Variants in PTPN2 observed in about 807,000 individuals in gnomAD.
PTPN2 encodes the protein protein tyrosine phosphatase non-receptor type 2, also known as tyrosine-protein phosphatase non-receptor type 2.
A neutral mutation model predicts 57.3 loss-of-function variants in PTPN2; 19 were observed. That is an observed-to-expected ratio of 0.33 (90% CI 0.23 to 0.49). PTPN2 has a LOEUF of 0.49. Ranked by LOEUF, PTPN2 falls within the 20% of genes least tolerant of loss-of-function variation. PTPN2 has a pLI of 0.99. For synonymous variants in PTPN2, 153 were observed against 164.9 expected (o/e 0.93, Z 0.55); for missense variants, 358 against 501.1 (o/e 0.71, Z 2.73).
At chr18:12,877,459 T>C (rs1397909160) in intron 1 of PTPN2, among the ~76,000 whole-genome samples, 1 of 151,986 alleles carries the variant, frequency 6.6e-6, no homozygotes, top group Non-Finnish European at 1.5e-5. Context: ...TGTGAGAGAG[T>C]AGCCAATCTT....
intron 1 of PTPN2, among the ~76,000 whole-genome samples, chr18:12,878,085 C>A (rs60776052): frequency 6.6e-6 from 1 of 151,760 alleles, no homozygotes; most frequent in Non-Finnish European, 1.5e-5. Flanking sequence ...GCTTGTAATC[C>A]TAAGCCTTTG....
chr18:12,802,651 AG>A (rs1333778828), intron 7 of PTPN2, among the ~76,000 whole-genome samples: 1 of 152,234 alleles, frequency 6.6e-6, no homozygotes, highest in Non-Finnish European at 1.5e-5. Context: ...GGAACCTGGC[AG>A]GTTGCTATTA....
chr18:12,818,749 C>T (rs1318144443), intron 5 of PTPN2, among the ~76,000 whole-genome samples: 1 of 151,544 alleles, frequency 6.6e-6, no homozygotes, highest in Non-Finnish European at 1.5e-5. Flanking sequence ...ATTATAATAT[C>T]CTGCTCCCAA....
intron 7 of PTPN2, 46 bp downstream of exon 7, chr18:12,814,156 TG>T (rs1555663023): frequency 7.4e-7 from 1 of 1,348,412 alleles, no homozygotes; most frequent in Admixed American, 2.0e-5. Context: ...TTTGATGCTA[TG>T]TGTATTTAAC....
At chr18:12,875,191 G>A (rs1380890765) in intron 1 of PTPN2, among the ~76,000 whole-genome samples, 1 of 152,072 alleles carries the variant, frequency 6.6e-6, no homozygotes, top group African/African-American at 2.4e-5. Context: ...AGGGTCCTCT[G>A]CCTAGGAAAA....
chr18:12,865,502 G>GT (rs1240617609), intron 1 of PTPN2, among the ~76,000 whole-genome samples: 1 of 151,698 alleles, frequency 6.6e-6, no homozygotes, highest in Admixed American at 6.6e-5. Flanking sequence ...TAGCACTTTG[G>GT]AAGGCTGAGG....
chr18:12,794,329 C>T lies in PTPN2; in HGVS notation c.1197G>A (p.Leu399=), dbSNP rs775291577. ...GTGTCCAGCCAACAAAAGCGCCAAC[C>T]AAAATGACTGACATAAACCCCATCT... is the stretch of plus-strand genomic sequence containing the variant. The part of the protein sequence containing the change: ...LTKMGFMSVI[L]VGAFVGWTLF... The change falls in exon 9 of 9, where the codon TTG becomes TTA. Residue 399 remains leucine (L), a synonymous_variant. Coordinates refer to ENST00000309660, the MANE Select transcript of PTPN2 (RefSeq NM_002828.4). The T allele has an allele frequency of 1.9e-6, 3 of 1,614,040 alleles. No individual in the cohort carries two copies. The highest frequency in any genetic ancestry group is 2.7e-5 in the African/African-American group (2 of 74,922).
Position 12,854,353 on chromosome 18 carries a change from C to G in PTPN2, c.160+4811G>C, listed in dbSNP as rs545853547. On this transcript the variant is annotated intron_variant, in intron 2 of 8. Transcript: ENST00000309660. ...CCAGCCTGAGTGACAGAGCCAGACC[C>G]TGTCTTGAAAAAAAAAAAAAAAGAA... Among the ~76,000 whole-genome samples, 17 of 98,162 alleles carry G rather than the reference C, an allele frequency of 1.7e-4. No individual in the cohort carries two copies. In the South Asian group the frequency reaches 7.5e-3, roughly 43 times the overall value. 64.4% of individuals were successfully genotyped at this position (98,162 alleles called of 152,430 possible). A position where few individuals can be genotyped will look rare whatever the true frequency, so the allele number is the denominator to read the frequency against.
chr18:12,850,420 C>A (rs938619304), intron 2 of PTPN2, among the ~76,000 whole-genome samples: 1 of 151,940 alleles, frequency 6.6e-6, no homozygotes, highest in African/African-American at 2.4e-5. Flanking sequence ...ACTCGAGAGG[C>A]AGAGGCTGCA....
At chr18:12,788,932 TCTTA>T (rs1481435954), downstream of PTPN2, among the ~76,000 whole-genome samples, 10 of 152,186 alleles carry the variant, frequency 6.6e-5, no homozygotes, top group East Asian at 1.9e-4. Flanking sequence ...TCCTAGAAGT[TCTTA>T]CTTAAATAAT....
At chr18:12,862,392 T>G (rs1017214439) in intron 1 of PTPN2, 1 of 152,184 alleles carries the variant, frequency 6.6e-6, no homozygotes, top group African/African-American at 2.4e-5. Flanking sequence ...TTCCTGACCT[T>G]AAGTGATCCG....
In PTPN2 at chr18:12,836,813, T is replaced by G. The variant is rs2042881969; in HGVS notation, c.239A>C (p.Gln80Pro). The G allele has an allele frequency of 6.2e-7, 1 of 1,607,412 alleles. No homozygotes were observed. Among genetic ancestry groups the G allele is most frequent in the Non-Finnish European group, 8.5e-7 (1 of 1,175,930 alleles). The change falls in exon 3 of 9, where the codon CAA (glutamine) becomes CCA (proline). Residue 80 changes from glutamine (Q) to proline (P), a missense_variant. Physicochemically the swap from Gln to Pro is moderately conservative, Grantham distance 76. Coordinates refer to ENST00000309660, the MANE Select transcript of PTPN2 (RefSeq NM_002828.4). Reference sequence around the variant, plus strand: ...TGCCTGTGTTAAGATGTAACTCCTTTGTGCCTCTTCTATGTCAACTAAACT... The same window carrying G: ...TGCCTGTGTTAAGATGTAACTCCTTGGTGCCTCTTCTATGTCAACTAAACT... ...NASLVDIEEA[Q>P]RSYILTQGPL...
rs569288221 is a variant in PTPN2, at chr18:12,866,223, G to A, written c.70-6969C>T. On this transcript the variant is annotated intron_variant, in intron 1 of 8. Transcript: ENST00000309660. ...GGAGGCCGAGGCAGGTGGATCACGAGGTCAGGAGATCGAGACCATCCTGGC... is the reference window on the plus strand; with the variant it reads ...GGAGGCCGAGGCAGGTGGATCACGAAGTCAGGAGATCGAGACCATCCTGGC... Among the ~76,000 whole-genome samples the A allele has an allele frequency of 2.3e-4, 35 of 152,288 alleles. 1 individual carries two copies. The South Asian group carries it at 7.0e-3, about 31-fold the overall frequency.
chr18:12,870,857 G>A (rs1329633940), intron 1 of PTPN2, among the ~76,000 whole-genome samples: 1 of 151,850 alleles, frequency 6.6e-6, no homozygotes, highest in Non-Finnish European at 1.5e-5. Context: ...ATATACATAT[G>A]CTCCCTATGT....
At chr18:12,834,464 C>T (rs2042781417) in intron 3 of PTPN2, among the ~76,000 whole-genome samples, 1 of 152,018 alleles carries the variant, frequency 6.6e-6, no homozygotes, top group Non-Finnish European at 1.5e-5. Context: ...AACACCATTA[C>T]AAAATTTTTA....
chr18:12,835,555 T>C (rs2145393499), intron 3 of PTPN2, among the ~76,000 whole-genome samples: 1 of 152,106 alleles, frequency 6.6e-6, no homozygotes, highest in Non-Finnish European at 1.5e-5. Context: ...TTTGTATTTT[T>C]AGTAGAGATG....
chr18:12,795,436 G>A (rs1314363511), intron 8 of PTPN2, among the ~76,000 whole-genome samples: 1 of 152,184 alleles, frequency 6.6e-6, no homozygotes, highest in African/African-American at 2.4e-5. Flanking sequence ...TGGGATTACA[G>A]ACGTGCACCA....
intron 5 of PTPN2, among the ~76,000 whole-genome samples, chr18:12,822,755 T>G (rs1357073879): frequency 6.6e-6 from 1 of 152,162 alleles, no homozygotes; most frequent in Admixed American, 6.5e-5. Context: ...CTCACTCCCA[T>G]TGGTTCTTTC....
intron 1 of PTPN2, among the ~76,000 whole-genome samples, chr18:12,876,609 A>G (rs1405130357): frequency 2.6e-5 from 4 of 152,342 alleles, no homozygotes; most frequent in African/African-American, 9.6e-5. Flanking sequence ...AAACAATATG[A>G]TTTCTAGGTA....
Sources: allele counts gnomAD v4.1 joint callset (sites outside exome capture counted in the v4.1 genomes callset), GRCh38; gene constraint gnomAD v4.1.1; transcripts MANE v1.5; gene names NCBI Gene and HGNC (gene_info 2026-07-23, HGNC 2026-07-21).